XYLT1: variants seen among roughly 807,000 people sequenced by gnomAD.
XYLT1 encodes the protein xylosyltransferase 1.
Under a neutral mutation model 91.3 loss-of-function variants are expected in XYLT1, and 36 were observed. That is an observed-to-expected ratio of 0.39 (90% CI 0.30 to 0.52). The LOEUF (loss-of-function observed/expected upper bound fraction) is 0.52. Ranked by LOEUF, XYLT1 falls within the 20% of genes least tolerant of loss-of-function variation. The probability of loss-of-function intolerance (pLI) is 0.68; values close to 1 mark genes in which losing one functional copy is unlikely to be tolerated. For missense variants in XYLT1, 1,242 were observed against 1,284.5 expected (o/e 0.97, Z 0.51); for synonymous variants, 588 against 532.0 (o/e 1.11, Z -1.45).
chr16:17,359,227 C>T lies in XYLT1; in HGVS notation c.364-1177G>A, dbSNP rs182498785. On this transcript the variant is annotated intron_variant, in intron 1 of 11. Transcript: ENST00000261381. ...ATAGAGAATGGGCATGATTTTAGGG[C>T]CCTGAAGTACACATCCAGTTTGAAG... is the stretch of plus-strand genomic sequence containing the variant. 3.9e-5 allele frequency among the ~76,000 whole-genome samples: 6 copies of T among 152,276 alleles called. 1 individual carries two copies. The highest frequency in any genetic ancestry group is 3.9e-4 in the Admixed American group (6 of 15,294).
chr16:17,109,240 A>G (rs1966821589), intron 11 of XYLT1, among the ~76,000 whole-genome samples: 1 of 152,194 alleles, frequency 6.6e-6, no homozygotes, highest in Non-Finnish European at 1.5e-5. Context: ...GCATGCCTTT[A>G]TTCATTCAAC....
chr16:17,128,280 A>G (rs887896509), intron 9 of XYLT1, among the ~76,000 whole-genome samples: 1 of 152,214 alleles, frequency 6.6e-6, no homozygotes, highest in East Asian at 1.9e-4. Context: ...GTTGGCATCT[A>G]TCTATCCTAG....
At chr16:17,323,035 G>C (rs539343478) in intron 2 of XYLT1, among the ~76,000 whole-genome samples, 1 of 152,328 alleles carries the variant, frequency 6.6e-6, no homozygotes, top group Non-Finnish European at 1.5e-5. Flanking sequence ...GGGCCATCTG[G>C]CAGGTCCTAG....
chr16:17,190,983 G>A (rs767755241), intron 5 of XYLT1, among the ~76,000 whole-genome samples: 2 of 152,160 alleles, frequency 1.3e-5, no homozygotes, highest in Non-Finnish European at 2.9e-5. Context: ...CTTCAGAGTT[G>A]TTGTCAAAAC....
chr16:17,395,681 C>G (rs114825407), intron 1 of XYLT1, among the ~76,000 whole-genome samples: 291 of 152,338 alleles, frequency 1.9e-3, no homozygotes, highest in African/African-American at 6.8e-3. Context: ...TGAAGCCAAA[C>G]TTCTAAAGCA....
intron 10 of XYLT1, among the ~76,000 whole-genome samples, chr16:17,122,888 G>T (rs986038335): frequency 5.3e-5 from 8 of 152,078 alleles, no homozygotes; most frequent in Non-Finnish European, 2.9e-5. Context: ...AGATCAGTAA[G>T]TATTTGGCTT....
At chr16:17,215,047 G>A (rs2032829956) in intron 3 of XYLT1, among the ~76,000 whole-genome samples, 1 of 152,144 alleles carries the variant, frequency 6.6e-6, no homozygotes, top group Admixed American at 6.6e-5. Flanking sequence ...TGGCCTTTAA[G>A]GAGGTGATTA....
intron 6 of XYLT1, among the ~76,000 whole-genome samples, chr16:17,157,889 C>T (rs777968480): frequency 3.3e-5 from 5 of 152,206 alleles, no homozygotes; most frequent in African/African-American, 9.7e-5. Flanking sequence ...GCTGGAATTA[C>T]AGGCATGTGC....
In XYLT1 at chr16:17,176,040, CA is replaced by C. The variant is rs10635873; in HGVS notation, c.1290-17132del. Reference sequence around the variant, plus strand: ...AGATGTTTTTAATAAATGGGGAATGCAAAAAAAAAATGCGGTAAAATATCAG... The same window carrying C: ...AGATGTTTTTAATAAATGGGGAATGCAAAAAAAAATGCGGTAAAATATCAG... On this transcript the variant is annotated intron_variant, in intron 5 of 11. Transcript: ENST00000261381. Among the ~76,000 whole-genome samples the C allele has an allele frequency of 1.4e-3, 208 of 148,950 alleles. 2 individuals are homozygous for C. Among genetic ancestry groups the C allele is most frequent in the East Asian group, 7.1e-3 (36 of 5,084 alleles).
chr16:17,304,093 T>G (rs1219404868), intron 2 of XYLT1, among the ~76,000 whole-genome samples: 1 of 152,046 alleles, frequency 6.6e-6, no homozygotes, highest in African/African-American at 2.4e-5. Flanking sequence ...AAGGCATAAT[T>G]TATGCTTATG....
intron 3 of XYLT1, among the ~76,000 whole-genome samples, chr16:17,228,799 C>T (rs1416828400): frequency 6.6e-6 from 1 of 152,088 alleles, no homozygotes; most frequent in Non-Finnish European, 1.5e-5. Context: ...TACTGAGGGC[C>T]CACTTCATAC....
At chr16:17,464,917 C>G (rs1318267733) in intron 1 of XYLT1, among the ~76,000 whole-genome samples, 2 of 151,720 alleles carry the variant, frequency 1.3e-5, no homozygotes, top group Non-Finnish European at 2.9e-5. Context: ...GAGGCCGAGG[C>G]GGGCGGATCA....
intron 6 of XYLT1, among the ~76,000 whole-genome samples, chr16:17,153,055 C>G (rs1266679322): frequency 6.6e-6 from 1 of 152,136 alleles, no homozygotes; most frequent in Non-Finnish European, 1.5e-5. Context: ...TTTGTAACAT[C>G]TTAATTATGT....
In XYLT1 at chr16:17,320,875, T is replaced by C. The variant is rs142165475; in HGVS notation, c.402+37137A>G. 3.5e-3 allele frequency among the ~76,000 whole-genome samples: 526 copies of C among 150,734 alleles called. 2 individuals carry two copies. The highest frequency in any genetic ancestry group is 3.8e-3 in the Non-Finnish European group (256 of 67,786). On this transcript the variant is annotated intron_variant, in intron 2 of 11. Coordinates refer to ENST00000261381, the MANE Select transcript of XYLT1 (RefSeq NM_022166.4). ...AGTTCCTGACTCATAGAATTGTTTT[T>C]GGCACTGCATGAGTTAACATACATA... is the stretch of plus-strand genomic sequence containing the variant.
intron 2 of XYLT1, among the ~76,000 whole-genome samples, chr16:17,313,373 C>CA (rs1411112891): frequency 6.6e-6 from 1 of 152,138 alleles, no homozygotes; most frequent in Non-Finnish European, 1.5e-5. Context: ...GTAACACCAC[C>CA]AAAAAAGGCC....
intron 6 of XYLT1, among the ~76,000 whole-genome samples, chr16:17,150,350 C>T (rs1007563429): frequency 2.0e-5 from 3 of 152,176 alleles, no homozygotes; most frequent in African/African-American, 7.2e-5. Flanking sequence ...GAATTCATTC[C>T]TTTAGCAGCA....
At chr16:17,115,842 A>G (rs1966851139) in intron 11 of XYLT1, among the ~76,000 whole-genome samples, 2 of 138,410 alleles carry the variant, frequency 1.4e-5, no homozygotes, top group Admixed American at 1.5e-4. Flanking sequence ...TCCTTGCACT[A>G]TTATCAGTAA....
chr16:17,184,528 C>T (rs866610962), intron 5 of XYLT1, among the ~76,000 whole-genome samples: 38 of 107,322 alleles, frequency 3.5e-4, no homozygotes, highest in African/African-American at 1.6e-3. Flanking sequence ...GGTTCATGAG[C>T]GCACAGTTTT....
intron 1 of XYLT1, among the ~76,000 whole-genome samples, chr16:17,446,540 G>GAA (rs373298855): frequency 1.3e-5 from 2 of 150,286 alleles, no homozygotes; most frequent in African/African-American, 4.9e-5. Context: ...CCTCTTCTAG[G>GAA]AAAAAAAAAT....
Sources: allele counts gnomAD v4.1 joint callset (sites outside exome capture counted in the v4.1 genomes callset), GRCh38; gene constraint gnomAD v4.1.1; transcripts MANE v1.5; gene names NCBI Gene and HGNC (gene_info 2026-07-23, HGNC 2026-07-21).